The following CALCR variants were observed in gnomAD, a reference collection of about 807,000 sequenced individuals.
CALCR encodes calcitonin receptor.
A neutral mutation model predicts 59.5 loss-of-function variants in CALCR; 47 were observed. The ratio of observed to expected loss-of-function variants is 0.79; its 90% CI spans 0.63 to 1.01. The LOEUF (loss-of-function observed/expected upper bound fraction) is 1.01. Among genes scored for constraint, CALCR ranks in the 50% least tolerant of loss-of-function variants. The probability of loss-of-function intolerance (pLI) is 0.00; values close to 1 mark genes in which losing one functional copy is unlikely to be tolerated. For missense variants in CALCR, 566 were observed against 597.1 expected (o/e 0.95, Z 0.54); for synonymous variants, 213 against 211.3 (o/e 1.01, Z -0.07).
chr7:93,497,026 C>T (rs995610350), intron 2 of CALCR, among the ~76,000 whole-genome samples: 1 of 151,452 alleles, frequency 6.6e-6, no homozygotes, highest in African/African-American at 2.4e-5. Context: ...TAAAGCAAAA[C>T]AGAGTGTCTT....
intron 2 of CALCR, among the ~76,000 whole-genome samples, chr7:93,504,146 T>C (rs1801378308): frequency 6.6e-6 from 1 of 152,130 alleles, no homozygotes; most frequent in Admixed American, 6.6e-5. Context: ...TCCAACAATA[T>C]ACAAACAAAG....
In CALCR at chr7:93,444,926, C is replaced by T. The variant is rs369858894; in HGVS notation, c.649-1169G>A. On this transcript the variant is annotated intron_variant, in intron 8 of 13. Transcript: ENST00000426151. ...CTTTCAGTACTGTAGCAACCTTTTC[C>T]GAACCATATATTTTATTTAATGCAT... Among the ~76,000 whole-genome samples the T allele has an allele frequency of 2.3e-3, 357 of 152,124 alleles. 2 individuals carry two copies. The highest frequency in any genetic ancestry group is 7.5e-3 in the South Asian group (36 of 4,820).
chr7:93,495,789 A>G (rs1309051809), intron 2 of CALCR: 5 of 934,992 alleles, frequency 5.3e-6, no homozygotes, highest in South Asian at 4.6e-5. Context: ...GAGCCTAAAA[A>G]TCTGATTGTT....
At chr7:93,449,219 G>A (rs772863105) in intron 8 of CALCR, among the ~76,000 whole-genome samples, 58 of 152,058 alleles carry the variant, frequency 3.8e-4, no homozygotes, top group Non-Finnish European at 7.1e-4. Flanking sequence ...TTCTAAAAAT[G>A]TTTTCTTATC....
At chr7:93,562,926 C>T (rs920262771) in intron 2 of CALCR, among the ~76,000 whole-genome samples, 20 of 151,736 alleles carry the variant, frequency 1.3e-4, no homozygotes, top group Non-Finnish European at 2.6e-4. Flanking sequence ...AAATATAGAA[C>T]GTATGAAAAA....
At chr7:93,573,494 C>T (rs1790051002) in intron 2 of CALCR, among the ~76,000 whole-genome samples, 1 of 152,166 alleles carries the variant, frequency 6.6e-6, no homozygotes, top group African/African-American at 2.4e-5. Flanking sequence ...ACCCTGCGTT[C>T]TCTTCTTGCA....
chr7:93,471,253 C>T (rs560015372), intron 6 of CALCR, among the ~76,000 whole-genome samples: 101 of 151,866 alleles, frequency 6.7e-4, no homozygotes, highest in African/African-American at 2.3e-3. Flanking sequence ...ATAATCAACA[C>T]TCATTCGGAA....
At chr7:93,432,898 TC>T (rs1201862940) in intron 13 of CALCR, among the ~76,000 whole-genome samples, 29 of 152,316 alleles carry the variant, frequency 1.9e-4, no homozygotes, top group Non-Finnish European at 3.4e-4. Flanking sequence ...TTTTTATCAT[TC>T]TAAAAAATAT....
intron 8 of CALCR, among the ~76,000 whole-genome samples, chr7:93,453,803 A>C (rs1006809170): frequency 1.3e-5 from 2 of 152,074 alleles, no homozygotes; most frequent in Admixed American, 6.6e-5. Flanking sequence ...TCAAATCCGT[A>C]TGAGAAAGCA....
In CALCR at chr7:93,443,569, A is replaced by C. The variant is rs1013267250; in HGVS notation, c.802+35T>G. On this transcript the variant is annotated intron_variant, in intron 9 of 13. Coordinates refer to ENST00000426151, the MANE Select transcript of CALCR (RefSeq NM_001742.4). Reference sequence around the variant, plus strand: ...ACTGAAAGCATACAGACAGAGGTGAAAGTGACTCAAAACTTAGCTGCAGAA... The same window carrying C: ...ACTGAAAGCATACAGACAGAGGTGACAGTGACTCAAAACTTAGCTGCAGAA... 3.7e-6 allele frequency: 6 copies of C among 1,600,894 alleles called. No individual in the cohort carries two copies. In the Admixed American group the frequency reaches 6.7e-5, roughly 18 times the overall value.
At chr7:93,517,519 A>G (rs189363174) in intron 2 of CALCR, among the ~76,000 whole-genome samples, 2 of 151,992 alleles carry the variant, frequency 1.3e-5, no homozygotes, top group East Asian at 3.9e-4. Flanking sequence ...TAGCATTACA[A>G]TCCATAACAG....
intron 2 of CALCR, among the ~76,000 whole-genome samples, chr7:93,558,272 T>C (rs1789657538): frequency 6.6e-6 from 1 of 152,046 alleles, no homozygotes; most frequent in Non-Finnish European, 1.5e-5. Flanking sequence ...ACAATTCTTG[T>C]GCTTTATAAA....
chr7:93,439,490 A>G (rs2115709064), intron 9 of CALCR, among the ~76,000 whole-genome samples: 1 of 152,326 alleles, frequency 6.6e-6, no homozygotes, highest in Non-Finnish European at 1.5e-5. Flanking sequence ...TAGAAAGGAA[A>G]GTGCTTTCTA....
At chr7:93,476,613 T>A (rs1429399109) in intron 5 of CALCR, among the ~76,000 whole-genome samples, 3 of 151,878 alleles carry the variant, frequency 2.0e-5, no homozygotes, top group Non-Finnish European at 2.9e-5. Context: ...TATCAAAACC[T>A]TGCCTTGTAG....
chr7:93,497,512 AT>A (rs1801233811), intron 2 of CALCR, among the ~76,000 whole-genome samples: 1 of 151,530 alleles, frequency 6.6e-6, no homozygotes, highest in Non-Finnish European at 1.5e-5. Context: ...AGATTAGGAG[AT>A]TAGGTTAGTT....
At chr7:93,495,935 G>T in intron 2 of CALCR, 1 of 1,527,960 alleles carries the variant, frequency 6.5e-7, no homozygotes. Flanking sequence ...ATTGCATCCT[G>T]GGGTGGCAAA....
Position 93,544,104 on chromosome 7 carries a change from C to G in CALCR, c.-27+30185G>C, listed in dbSNP as rs551742258. ...ACCATAAATGTAGTTGGAATACACT[C>G]TTCCGTTAAGAGATAGTAACTTTTA... On this transcript the variant is annotated intron_variant, in intron 2 of 13. Coordinates refer to ENST00000426151, the MANE Select transcript of CALCR (RefSeq NM_001742.4). Among the ~76,000 whole-genome samples, 3 of 151,976 alleles carry G rather than the reference C, an allele frequency of 2.0e-5. 1 individual carries two copies. The highest frequency in any genetic ancestry group is 7.2e-5 in the African/African-American group (3 of 41,514).
intron 2 of CALCR, among the ~76,000 whole-genome samples, chr7:93,568,509 TTCTCTCTCTCTCTCTC>T (rs4015269): frequency 2.3e-3 from 236 of 102,426 alleles, no homozygotes; most frequent in South Asian, 5.1e-3. Flanking sequence ...TAAAATTACT[TTCTCTCTCTCTCTCTC>T]TCTCTCTCTC....
At chr7:93,441,767 TAGAC>T (rs2115721198) in intron 9 of CALCR, among the ~76,000 whole-genome samples, 2 of 152,214 alleles carry the variant, frequency 1.3e-5, no homozygotes, top group South Asian at 4.1e-4. Flanking sequence ...GTGAATATCC[TAGAC>T]AGCCTGTACA....
Sources: gnomAD v4.1 joint callset for allele counts (sites outside exome capture counted in the v4.1 genomes callset) on GRCh38, gnomAD v4.1.1 for gene constraint, MANE v1.5 for transcripts, NCBI Gene and HGNC (gene_info 2026-07-23, HGNC 2026-07-21) for gene names.